The following ST3GAL5 variants were observed in gnomAD, a reference collection of about 807,000 sequenced individuals.
The protein encoded by ST3GAL5 is ST3 beta-galactoside alpha-2,3-sialyltransferase 5.
In ST3GAL5, 25 loss-of-function variants were observed where a neutral mutation model predicts 46.1. That is an observed-to-expected ratio of 0.54 (90% CI 0.40 to 0.76). ST3GAL5 has a LOEUF of 0.76. Among genes scored for constraint, ST3GAL5 ranks in the 30% least tolerant of loss-of-function variants. ST3GAL5 has a pLI of 0.00. For synonymous variants in ST3GAL5, 182 were observed against 192.7 expected, an observed-to-expected ratio of 0.94 and a Z score of 0.46; for missense variants, 431 against 521.2, an observed-to-expected ratio of 0.83 and a Z score of 1.69.
chr2:85,860,408 C>T (rs1258677879), intron 3 of ST3GAL5, among the ~76,000 whole-genome samples: 1 of 152,164 alleles, frequency 6.6e-6, no homozygotes, highest in African/African-American at 2.4e-5. Context: ...TCTCTTCCTC[C>T]ATCCTGGGCT....
chr2:85,871,707 C>A (rs1416597044), intron 1 of ST3GAL5, among the ~76,000 whole-genome samples: 1 of 152,106 alleles, frequency 6.6e-6, no homozygotes, highest in Non-Finnish European at 1.5e-5. Flanking sequence ...AACTCCAGCC[C>A]ACATCTATGC....
chr2:85,858,473 G>A (rs1394770632), intron 3 of ST3GAL5, among the ~76,000 whole-genome samples: 1 of 152,158 alleles, frequency 6.6e-6, no homozygotes, highest in Non-Finnish European at 1.5e-5. Flanking sequence ...ACCACGCCCA[G>A]CTAATTTCTG....
At chr2:85,874,618 C>T (rs192512886) in intron 1 of ST3GAL5, among the ~76,000 whole-genome samples, 1 of 152,182 alleles carries the variant, frequency 6.6e-6, no homozygotes, top group Admixed American at 6.5e-5. Context: ...TTCATTGCCA[C>T]TGATACATAT....
At chr2:85,869,964 A>G (rs937348074) in intron 1 of ST3GAL5, 2 of 341,506 alleles carry the variant, frequency 5.9e-6, no homozygotes, top group Admixed American at 3.7e-5. Context: ...ACACGCACAC[A>G]TAGCCTCCGT....
Position 85,840,014 on chromosome 2 carries a change from G to T in ST3GAL5, c.*130C>A, listed in dbSNP as rs561219801. The T allele has an allele frequency of 5.2e-5, 74 of 1,424,024 alleles. No individual in the cohort carries two copies. The highest frequency in any genetic ancestry group is 2.0e-4 in the Middle Eastern group (1 of 4,924). 88.2% of individuals were successfully genotyped at this position (1,424,024 alleles called of 1,614,324 possible). A position where few individuals can be genotyped will look rare whatever the true frequency, so the allele number is the denominator to read the frequency against. Reference sequence around the variant, plus strand: ...TGGGAAGAGCTAAAATTTTTTTTGTGTTTTTAAATTAAAAGTTAAAAACAT... The same window carrying T: ...TGGGAAGAGCTAAAATTTTTTTTGTTTTTTTAAATTAAAAGTTAAAAACAT... On this transcript the variant is annotated 3_prime_UTR_variant, in exon 7 of 7. Transcript: ENST00000638572.
rs1688093710 is a variant in ST3GAL5, at chr2:85,888,982, C to G, written c.-77G>C. The G allele has an allele frequency of 1.7e-6, 2 of 1,151,972 alleles. No individual in the cohort carries two copies. Among genetic ancestry groups the G allele is most frequent in the Non-Finnish European group, 1.1e-6 (1 of 914,464 alleles). The allele number at this position is 1,151,972 out of a possible 1,614,324, so 71.4% of individuals were successfully genotyped here. On this transcript the variant is annotated 5_prime_UTR_variant, in exon 1 of 7. An upstream start codon of the reference 5' UTR is lost. Coordinates refer to ENST00000638572, the MANE Select transcript of ST3GAL5 (RefSeq NM_003896.4). Reference sequence around the variant, plus strand: ...CCGCCCCCAGCGCCGCTCTCGCGCCCATTCAGCTGGGGGCCGCCGCTCCCC... The same window carrying G: ...CCGCCCCCAGCGCCGCTCTCGCGCCGATTCAGCTGGGGGCCGCCGCTCCCC...
intron 1 of ST3GAL5, chr2:85,867,819 T>A (rs1685449872): frequency 1.6e-6 from 1 of 637,904 alleles, no homozygotes; most frequent in African/African-American, 1.8e-5. Context: ...GGGCAAGATT[T>A]ACAGTAAGTA....
chr2:85,872,398 C>T (rs1304631144), intron 1 of ST3GAL5, among the ~76,000 whole-genome samples: 3 of 152,064 alleles, frequency 2.0e-5, no homozygotes, highest in East Asian at 1.9e-4. Flanking sequence ...GCCTGGCCAA[C>T]ATGGTGAAAC....
intron 1 of ST3GAL5, among the ~76,000 whole-genome samples, chr2:85,871,888 A>C (rs1372748495): frequency 6.6e-6 from 1 of 152,220 alleles, no homozygotes; most frequent in South Asian, 2.1e-4. Flanking sequence ...CAGAGAATAA[A>C]CCAACATAGC....
intron 3 of ST3GAL5, 171 bp downstream of exon 3, chr2:85,861,010 G>GT: frequency 3.2e-6 from 2 of 626,160 alleles, no homozygotes; most frequent in Non-Finnish European, 5.8e-6. Context: ...TTAGTGGTGG[G>GT]TTTTTAGAAG....
chr2:85,838,096 T>G lies in ST3GAL5; in HGVS notation c.*2048A>C, dbSNP rs1573559561. On this transcript the variant is annotated 3_prime_UTR_variant, in exon 7 of 7. Coordinates refer to ENST00000638572, the MANE Select transcript of ST3GAL5 (RefSeq NM_003896.4). ...AACTCCTATTGGCTGGTGGACTCTA[T>G]AAAAGGTCTACAAAAATATACCTTT... 6.6e-6 allele frequency: 1 copy of G among 152,202 alleles called. No individual in the cohort carries two copies. The highest frequency in any genetic ancestry group is 1.5e-5 in the Non-Finnish European group (1 of 68,038). 9.4% of individuals were successfully genotyped at this position (152,202 alleles called of 1,614,324 possible). A position where few individuals can be genotyped will look rare whatever the true frequency, so the allele number is the denominator to read the frequency against.
intron 1 of ST3GAL5, chr2:85,880,821 C>G (rs1687063327): frequency 2.2e-6 from 1 of 455,848 alleles, no homozygotes; most frequent in South Asian, 1.5e-5. Flanking sequence ...AAGAATCTGT[C>G]TAAAAAGAAA....
In ST3GAL5 at chr2:85,863,481, C is replaced by T; in HGVS notation, c.87G>A (p.Met29Ile). The change falls in exon 2 of 7, where the codon ATG (methionine) becomes ATA (isoleucine). Residue 29 changes from methionine to isoleucine, a missense_variant. Physicochemically the swap from Met to Ile is conservative, Grantham distance 10. Transcript: ENST00000638572. ...EAAAAPAGRA[M>I]PSEYTYVKLR... ...GTTTCACATAGGTGTACTCACTTGG[C>T]ATTGCTGTGAAGAGAGGCGAAGAGG... 6.2e-7 allele frequency: 1 copy of T among 1,614,070 alleles called. No individual in the cohort carries two copies. Among genetic ancestry groups the T allele is most frequent in the South Asian group, 1.1e-5 (1 of 91,068 alleles).
chr2:85,844,326 G>A, intron 6 of ST3GAL5, 70 bp downstream of exon 6: 1 of 1,605,680 alleles, frequency 6.2e-7, no homozygotes. Context: ...ATACAGTTGA[G>A]CCAAAGTGAA....
chr2:85,883,712 A>T (rs1687451086), intron 1 of ST3GAL5, among the ~76,000 whole-genome samples: 1 of 152,212 alleles, frequency 6.6e-6, no homozygotes, highest in African/African-American at 2.4e-5. Flanking sequence ...AGACGCTAGA[A>T]AAGCAAGCAG....
chr2:85,844,848 G>A, intron 5 of ST3GAL5: 3 of 454,344 alleles, frequency 6.6e-6, no homozygotes, highest in Non-Finnish European at 1.2e-5. Flanking sequence ...CCATCATTTT[G>A]TCTAGGGAAG....
chr2:85,869,382 A>G (rs1573676683), intron 1 of ST3GAL5, among the ~76,000 whole-genome samples: 1 of 137,336 alleles, frequency 7.3e-6, no homozygotes. Context: ...TTCTTTTTGC[A>G]TTCCTTTTTT....
At chr2:85,884,738 CAG>C (rs1282314914) in intron 1 of ST3GAL5, among the ~76,000 whole-genome samples, 1 of 152,144 alleles carries the variant, frequency 6.6e-6, no homozygotes, top group Non-Finnish European at 1.5e-5. Flanking sequence ...GATAAAAACA[CAG>C]AGGCTGAGGA....
chr2:85,872,760 C>T (rs1017968597), intron 1 of ST3GAL5, among the ~76,000 whole-genome samples: 2 of 152,156 alleles, frequency 1.3e-5, no homozygotes, highest in African/African-American at 4.8e-5. Context: ...GGTACCCGTG[C>T]ACCTAGACAG....
Sources: allele counts gnomAD v4.1 joint callset (sites outside exome capture counted in the v4.1 genomes callset), GRCh38; gene constraint gnomAD v4.1.1; transcripts MANE v1.5; gene names NCBI Gene and HGNC (gene_info 2026-07-23, HGNC 2026-07-21).